The following APBA1 variants were observed in gnomAD, a reference collection of about 807,000 sequenced individuals.
The protein encoded by APBA1 is amyloid-beta A4 precursor protein-binding family A member 1.
A neutral mutation model predicts 86.6 loss-of-function variants in APBA1; 55 were observed. The observed-to-expected ratio is 0.64, with a 90% CI of 0.51 to 0.80. APBA1 has a LOEUF of 0.80. APBA1 is among the 30% of genes least tolerant of loss of function. The probability of loss-of-function intolerance (pLI) is 0.00; values close to 1 mark genes in which losing one functional copy is unlikely to be tolerated. For synonymous variants in APBA1, 511 were observed against 493.9 expected, an observed-to-expected ratio of 1.03 and a Z score of -0.46; for missense variants, 1,090 against 1,183.0, an observed-to-expected ratio of 0.92 and a Z score of 1.15.
intron 2 of APBA1, among the ~76,000 whole-genome samples, chr9:69,488,637 G>T (rs929415260): frequency 2.0e-5 from 3 of 152,126 alleles, no homozygotes; most frequent in Non-Finnish European, 4.4e-5. Context: ...CATGATGGCT[G>T]CCAAGACGGG....
chr9:69,514,615 A>T (rs1220060229), intron 2 of APBA1, among the ~76,000 whole-genome samples: 1 of 151,866 alleles, frequency 6.6e-6, no homozygotes, highest in East Asian at 1.9e-4. Flanking sequence ...AACAAAAAAA[A>T]TTGCAGAAAC....
intron 1 of APBA1, among the ~76,000 whole-genome samples, chr9:69,638,355 C>T (rs930479695): frequency 3.3e-5 from 5 of 152,310 alleles, no homozygotes; most frequent in African/African-American, 1.2e-4. Context: ...ATTCTCCTAC[C>T]TCAGCTTCCC....
intron 1 of APBA1, among the ~76,000 whole-genome samples, chr9:69,588,025 C>CAAAAAAAAAAAAAA (rs35212894): frequency 9.4e-6 from 1 of 106,678 alleles, no homozygotes; most frequent in Non-Finnish European, 1.8e-5. Context: ...GACTCTGTCT[C>CAAAAAAAAAAAAAA]AAAAAAAAAA....
At chr9:69,636,946 A>G (rs1034746964) in intron 1 of APBA1, among the ~76,000 whole-genome samples, 16 of 145,690 alleles carry the variant, frequency 1.1e-4, no homozygotes, top group Non-Finnish European at 1.5e-4. Flanking sequence ...AAAGAAAGAA[A>G]GAAAGAAAGA....
At chr9:69,457,429 TG>T (rs1439520416) in intron 6 of APBA1, among the ~76,000 whole-genome samples, 3 of 152,212 alleles carry the variant, frequency 2.0e-5, no homozygotes, top group Non-Finnish European at 4.4e-5. Context: ...TGATGGCAAG[TG>T]GCCCTCTCTG....
chr9:69,576,721 G>A (rs187240470), intron 1 of APBA1, among the ~76,000 whole-genome samples: 13 of 152,214 alleles, frequency 8.5e-5, no homozygotes, highest in Admixed American at 5.9e-4. Context: ...TAGGGGGAGC[G>A]GGGAGGGATA....
intron 2 of APBA1, among the ~76,000 whole-genome samples, chr9:69,496,535 CCT>C (rs373266517): frequency 3.3e-5 from 5 of 152,038 alleles, no homozygotes; most frequent in African/African-American, 1.2e-4. Context: ...CAGGCACTGC[CCT>C]CTCTCTCCTC....
intron 1 of APBA1, among the ~76,000 whole-genome samples, chr9:69,660,306 T>C (rs1474659641): frequency 6.6e-6 from 1 of 152,312 alleles, no homozygotes; most frequent in South Asian, 2.1e-4. Context: ...TCTTTATTTA[T>C]AGTCAAATGC....
intron 2 of APBA1, among the ~76,000 whole-genome samples, chr9:69,484,723 G>T (rs1280566253): frequency 6.6e-6 from 1 of 152,060 alleles, no homozygotes; most frequent in Non-Finnish European, 1.5e-5. Context: ...TAGGGACCTT[G>T]TCTTGTTCAT....
At chr9:69,494,310 C>G (rs1045448316) in intron 2 of APBA1, 2 of 152,052 alleles carry the variant, frequency 1.3e-5, no homozygotes, top group African/African-American at 4.8e-5. Flanking sequence ...GTTCCCAGCC[C>G]CAAGTCGGTT....
At position 69,560,667 on chromosome 9, in the gene APBA1, A is replaced by G. The variant is rs143335839; in HGVS notation, c.-69-43388T>C. 1.3e-4 allele frequency among the ~76,000 whole-genome samples: 20 copies of G among 152,270 alleles called. No individual in the cohort carries two copies. The East Asian group carries it at 3.9e-3, about 29-fold the overall frequency. ...TATGGGCTGAGAACCCTTATCTGAA[A>G]TGCTTGAGACCAGCAGTGTTTGGGA... On this transcript the variant is annotated intron_variant, in intron 1 of 12. Transcript: ENST00000265381.
chr9:69,440,354 T>C (rs1003590565), intron 11 of APBA1, among the ~76,000 whole-genome samples: 4 of 152,136 alleles, frequency 2.6e-5, no homozygotes, highest in African/African-American at 9.7e-5. Flanking sequence ...CTGCTGCCTT[T>C]TGTTTGTCTG....
rs759665253 is a variant in APBA1 at position 69,516,511 on chromosome 9, G to T, written c.700C>A (p.Arg234=). 11 of 1,595,698 alleles carry T rather than the reference G, an allele frequency of 6.9e-6. No homozygotes were observed. The highest frequency in any genetic ancestry group is 9.3e-6 in the Non-Finnish European group (11 of 1,176,710). ...GAGCGCTCGTCGTAATGGTGCAGCC[G>T]CGCGCCCAGGGCCTCCTGGCGGTAC... ...AAYRQEALGA[R]LHHYDERSDG... is the part of the protein sequence containing the mutation. The change falls in exon 2 of 13, where the codon CGG becomes AGG. Residue 234 remains arginine, a synonymous_variant. Coordinates refer to ENST00000265381, the MANE Select transcript of APBA1 (RefSeq NM_001163.4). This position sits in a 1 kb window ranked among gnomAD's most constrained non-coding sequence, Gnocchi z 7.3.
chr9:69,448,105 G>A (rs779829332), intron 10 of APBA1, among the ~76,000 whole-genome samples: 5 of 150,930 alleles, frequency 3.3e-5, no homozygotes, highest in South Asian at 4.3e-4. Context: ...ACTCAACACC[G>A]GCCCCTGTCC....
intron 5 of APBA1, chr9:69,463,561 A>C (rs1251880756): frequency 1.3e-5 from 2 of 152,248 alleles, no homozygotes; most frequent in Admixed American, 1.3e-4. Flanking sequence ...GACAAATGGA[A>C]GAGAAATTAA....
chr9:69,653,377 C>A (rs1359342443), intron 1 of APBA1, among the ~76,000 whole-genome samples: 2 of 152,102 alleles, frequency 1.3e-5, no homozygotes, highest in African/African-American at 4.8e-5. Flanking sequence ...GTTCAACACC[C>A]CCACTTTCAG....
chr9:69,518,372 A>G (rs1290587667), intron 1 of APBA1, among the ~76,000 whole-genome samples: 1 of 152,216 alleles, frequency 6.6e-6, no homozygotes, highest in Non-Finnish European at 1.5e-5. Flanking sequence ...CACTTTCCCC[A>G]TGTAACCTGA....
chr9:69,571,262 C>T (rs1837110236), intron 1 of APBA1, among the ~76,000 whole-genome samples: 1 of 152,188 alleles, frequency 6.6e-6, no homozygotes, highest in Non-Finnish European at 1.5e-5. Context: ...CCCATAACCT[C>T]AGCATTAGTC....
At chr9:69,570,825 G>A (rs1326377307) in intron 1 of APBA1, among the ~76,000 whole-genome samples, 4 of 152,026 alleles carry the variant, frequency 2.6e-5, no homozygotes, top group African/African-American at 4.8e-5. Flanking sequence ...TCATCCCCAC[G>A]GCGATTGATT....
Sources: allele counts gnomAD v4.1 joint callset (sites outside exome capture counted in the v4.1 genomes callset), GRCh38; gene constraint gnomAD v4.1.1; non-coding constraint Gnocchi (gnomAD v3.1); transcripts MANE v1.5; gene names NCBI Gene and HGNC (gene_info 2026-07-23, HGNC 2026-07-21).